Variants in GTF2IRD2 observed in about 807,000 individuals in gnomAD.
GTF2IRD2 encodes the protein GTF2I repeat domain containing 2.
Under a neutral mutation model 49.2 loss-of-function variants are expected in GTF2IRD2, and 8 were observed. That is an observed-to-expected ratio of 0.16 (90% CI 0.10 to 0.29). GTF2IRD2 has a LOEUF of 0.29. GTF2IRD2 is among the 10% of genes least tolerant of loss of function. The probability of loss-of-function intolerance (pLI) is 1.00; values close to 1 mark genes in which losing one functional copy is unlikely to be tolerated. For missense variants in GTF2IRD2, 130 were observed against 725.7 expected (o/e 0.18, Z 9.43); for synonymous variants, 47 against 289.7 (o/e 0.16, Z 8.51).
rs1554420189 is a variant in GTF2IRD2 at position 74,829,887 on chromosome 7, C to CAAAAAAAAAAA, written c.238+2907_238+2917dup. Among the ~76,000 whole-genome samples, 31 of 59,842 alleles carry CAAAAAAAAAAA rather than the reference C, an allele frequency of 5.2e-4. 1 individual carries two copies. The highest frequency in any genetic ancestry group is 1.8e-3 in the African/African-American group (30 of 16,786). The allele number at this position is 59,842 out of a possible 152,430, so 39.3% of individuals were successfully genotyped here. A position where few individuals can be genotyped will look rare whatever the true frequency, so the allele number is the denominator to read the frequency against. Reference sequence around the variant, plus strand: ...TGGGCGATAGAGCGAGATTCTGTCTCAAAAAAAAAAAAAAATTCATATGGA... The same window carrying CAAAAAAAAAAA: ...TGGGCGATAGAGCGAGATTCTGTCTCAAAAAAAAAAAAAAAAAAAAAAAAAATTCATATGGA... On this transcript the variant is annotated intron_variant, in intron 3 of 15. Coordinates refer to ENST00000451013, the MANE Select transcript of GTF2IRD2 (RefSeq NM_173537.5).
chr7:74,842,282 T>G (rs1288628437), intron 1 of GTF2IRD2, among the ~76,000 whole-genome samples: 1 of 131,966 alleles, frequency 7.6e-6, no homozygotes, highest in East Asian at 2.1e-4. Flanking sequence ...CAGGCTGGAG[T>G]GCAGTGGCAC....
intron 2 of GTF2IRD2, among the ~76,000 whole-genome samples, chr7:74,834,652 C>T (rs1554420830): frequency 9.6e-6 from 1 of 104,152 alleles, no homozygotes; most frequent in Non-Finnish European, 1.7e-5. Context: ...GGATTACGGG[C>T]GTGAGCCACC....
intron 1 of GTF2IRD2, among the ~76,000 whole-genome samples, chr7:74,837,078 G>A (rs1800413677): frequency 1.8e-5 from 1 of 54,584 alleles, no homozygotes; most frequent in Non-Finnish European, 3.4e-5. Flanking sequence ...ATGAGGTTTT[G>A]CCATGTTGGC....
intron 10 of GTF2IRD2, 55 bp downstream of exon 10, chr7:74,810,840 TA>T (rs1798083849): frequency 2.4e-6 from 1 of 420,916 alleles, no homozygotes; most frequent in African/African-American, 2.0e-5. Flanking sequence ...TAAAATACTA[TA>T]AACTTCTATA....
intron 1 of GTF2IRD2, among the ~76,000 whole-genome samples, chr7:74,841,899 A>G (rs1475363499): frequency 2.2e-5 from 3 of 139,468 alleles, no homozygotes; most frequent in Admixed American, 7.2e-5. Context: ...GCCGAGGCGG[A>G]CGGATCACGA....
chr7:74,819,163 G>A (rs1339879153), intron 8 of GTF2IRD2: 14 of 293,524 alleles, frequency 4.8e-5, no homozygotes, highest in Non-Finnish European at 6.7e-5. Context: ...GAGCTCAGGC[G>A]ATCTGTCCGC....
chr7:74,796,572 A>T lies in GTF2IRD2; in HGVS notation c.*90T>A. 1 of 744,324 alleles carries T rather than the reference A, an allele frequency of 1.3e-6. No individual in the cohort carries two copies. Among genetic ancestry groups the T allele is most frequent in the Admixed American group, 2.0e-5 (1 of 50,752 alleles). The allele number at this position is 744,324 out of a possible 1,614,324, so 46.1% of individuals were successfully genotyped here. A position where few individuals can be genotyped will look rare whatever the true frequency, so the allele number is the denominator to read the frequency against. ...GCAAGACTCCATCTCAAAAAAGAAAAAAAAATTCATTTTGTCATCTCCCAA... is the reference window on the plus strand; with the variant it reads ...GCAAGACTCCATCTCAAAAAAGAAATAAAAATTCATTTTGTCATCTCCCAA... On this transcript the variant is annotated 3_prime_UTR_variant, in exon 16 of 16. Coordinates refer to ENST00000451013, the MANE Select transcript of GTF2IRD2 (RefSeq NM_173537.5).
chr7:74,819,187 A>G, intron 8 of GTF2IRD2: 1 of 318,854 alleles, frequency 3.1e-6, no homozygotes, highest in Non-Finnish European at 6.1e-6. Context: ...AGCCTCCCAA[A>G]GTGCTGGGAT....
rs1487443320 is a variant in GTF2IRD2 at position 74,808,844 on chromosome 7, C to G, written c.871+264G>C. Among the ~76,000 whole-genome samples the G allele has an allele frequency of 3.0e-5, 2 of 66,254 alleles. 1 individual carries two copies. Among genetic ancestry groups the G allele is most frequent in the Non-Finnish European group, 6.8e-5 (2 of 29,508 alleles). The allele number at this position is 66,254 out of a possible 152,430, so 43.5% of individuals were successfully genotyped here. A position where few individuals can be genotyped will look rare whatever the true frequency, so the allele number is the denominator to read the frequency against. On this transcript the variant is annotated intron_variant, in intron 11 of 15. Transcript: ENST00000451013. ...CCTCCGCCTCTCAGGTTCAAGCGAT[C>G]CTCCTGTCTCAGCCTCCCAAGTAGC...
At chr7:74,831,139 C>T (rs1554420325) in intron 3 of GTF2IRD2, among the ~76,000 whole-genome samples, 1 of 150,908 alleles carries the variant, frequency 6.6e-6, no homozygotes, top group African/African-American at 2.4e-5. Flanking sequence ...TAGTGGAGAC[C>T]TTAATTTGGG....
intron 1 of GTF2IRD2, among the ~76,000 whole-genome samples, chr7:74,846,856 C>T (rs1186420068): frequency 1.7e-4 from 5 of 28,790 alleles, no homozygotes; most frequent in Admixed American, 4.8e-4. Flanking sequence ...ACTATGTTGC[C>T]CAGGCTGATC....
At chr7:74,807,274 T>A (rs1797851804) in intron 11 of GTF2IRD2, among the ~76,000 whole-genome samples, 1 of 111,050 alleles carries the variant, frequency 9.0e-6, no homozygotes, top group African/African-American at 3.2e-5. Flanking sequence ...TGCACCATCA[T>A]GCTTGGCTAA....
At chr7:74,838,378 G>T (rs1473957221) in intron 1 of GTF2IRD2, among the ~76,000 whole-genome samples, 7 of 44,060 alleles carry the variant, frequency 1.6e-4, no homozygotes, top group Non-Finnish European at 2.2e-4. Flanking sequence ...ATTTTGCCAA[G>T]ATTTTTTTTT....
intron 2 of GTF2IRD2, 41 bp downstream of exon 2, chr7:74,836,239 A>G: frequency 6.2e-7 from 1 of 1,603,096 alleles, no homozygotes; most frequent in Non-Finnish European, 8.5e-7. Context: ...TTCGACAATG[A>G]TCCATCTATG....
At chr7:74,800,246 C>T (rs1797444591) in intron 15 of GTF2IRD2, among the ~76,000 whole-genome samples, 1 of 136,960 alleles carries the variant, frequency 7.3e-6, no homozygotes. Flanking sequence ...CAGAGTCTTG[C>T]TCTGTCACCA....
intron 1 of GTF2IRD2, among the ~76,000 whole-genome samples, chr7:74,836,723 G>A (rs1172908633): frequency 7.2e-5 from 11 of 152,234 alleles, no homozygotes; most frequent in East Asian, 5.8e-4. Flanking sequence ...GCGCCATCAC[G>A]CCTGGCTGAT....
At chr7:74,809,830 G>A (rs1427266767) in intron 10 of GTF2IRD2, among the ~76,000 whole-genome samples, 1 of 126,790 alleles carries the variant, frequency 7.9e-6, no homozygotes, top group African/African-American at 2.7e-5. Flanking sequence ...GTCTCACTCT[G>A]TCACCCAGGC....
At chr7:74,830,810 C>G (rs1371530355) in intron 3 of GTF2IRD2, among the ~76,000 whole-genome samples, 1 of 88,526 alleles carries the variant, frequency 1.1e-5, no homozygotes, top group Non-Finnish European at 2.3e-5. Flanking sequence ...CAGCATCACA[C>G]GATATACCCA....
intron 3 of GTF2IRD2, among the ~76,000 whole-genome samples, chr7:74,826,254 AC>A (rs1270877276): frequency 6.7e-6 from 1 of 149,290 alleles, no homozygotes; most frequent in African/African-American, 2.5e-5. Flanking sequence ...ACACTCTATG[AC>A]CATGTTTTTG....
Sources: gnomAD v4.1 joint callset for allele counts (sites outside exome capture counted in the v4.1 genomes callset) on GRCh38, gnomAD v4.1.1 for gene constraint, MANE v1.5 for transcripts, NCBI Gene and HGNC (gene_info 2026-07-23, HGNC 2026-07-21) for gene names.